The following TMIGD1 variants were observed in gnomAD, a reference collection of about 807,000 sequenced individuals.
TMIGD1 encodes transmembrane and immunoglobulin domain containing 1.
TMIGD1 carries 29 observed loss-of-function variants against 27.5 expected under a neutral mutation model. The ratio of observed to expected loss-of-function variants is 1.05; its 90% CI spans 0.78 to 1.44. The LOEUF (loss-of-function observed/expected upper bound fraction) is 1.44. TMIGD1 is among the 40% of genes most tolerant of loss of function. TMIGD1 has a pLI of 0.00. For synonymous variants in TMIGD1, 109 were observed against 110.3 expected (o/e 0.99, Z 0.07); for missense variants, 334 against 310.6 (o/e 1.08, Z -0.57).
chr17:30,329,366 G>A lies in TMIGD1; in HGVS notation c.246C>T (p.Ile82=), dbSNP rs549867370. The change falls in exon 3 of 7, where the codon ATC becomes ATT. Residue 82 remains isoleucine (I), a synonymous_variant. Transcript: ENST00000328886. ...GRVDLKSGNK[I]NSSSVCVSSI... is the part of the protein sequence containing the mutation. Reference sequence around the variant, plus strand: ...AAGAGACACAGACAGAGCTGGAATTGATTTTGTTTCCAGATTTCAAATCCA... The same window carrying A: ...AAGAGACACAGACAGAGCTGGAATTAATTTTGTTTCCAGATTTCAAATCCA... 10 of 1,614,096 alleles carry A rather than the reference G, an allele frequency of 6.2e-6. No individual in the cohort carries two copies. In the South Asian group the frequency reaches 1.1e-4, roughly 18 times the overall value.
At chr17:30,329,953 T>A (rs1909922084) in intron 2 of TMIGD1, among the ~76,000 whole-genome samples, 1 of 150,402 alleles carries the variant, frequency 6.6e-6, no homozygotes, top group Admixed American at 6.6e-5. Flanking sequence ...GGCATGGTGG[T>A]GTGCACCCAT....
Position 30,332,171 on chromosome 17 carries a change from T to G in TMIGD1, c.-25-13A>C, listed in dbSNP as rs1388021018. Reference sequence around the variant, plus strand: ...AAACTCAGATCTACTAAGGGAAAAATAGTGCAGTTGGTTTTGTACTTTGGT... The same window carrying G: ...AAACTCAGATCTACTAAGGGAAAAAGAGTGCAGTTGGTTTTGTACTTTGGT... On this transcript the variant is annotated splice_polypyrimidine_tract_variant and intron_variant, in intron 1 of 6. Coordinates refer to ENST00000328886, the MANE Select transcript of TMIGD1 (RefSeq NM_206832.3). 6.4e-7 allele frequency: 1 copy of G among 1,552,682 alleles called. No individual in the cohort carries two copies. The highest frequency in any genetic ancestry group is 8.8e-7 in the Non-Finnish European group (1 of 1,131,610).
At chr17:30,323,360 C>A (rs1471435071) in intron 4 of TMIGD1, among the ~76,000 whole-genome samples, 1 of 152,128 alleles carries the variant, frequency 6.6e-6, no homozygotes, top group Admixed American at 6.5e-5. Context: ...TCTGTGATGT[C>A]GTTTGTAGCT....
At chr17:30,326,021 G>A (rs918587632) in intron 3 of TMIGD1, among the ~76,000 whole-genome samples, 3 of 152,202 alleles carry the variant, frequency 2.0e-5, no homozygotes, top group Non-Finnish European at 2.9e-5. Context: ...CGGAGAAGGA[G>A]GAAAAAGGAG....
chr17:30,323,732 C>G (rs1306132945), intron 4 of TMIGD1, among the ~76,000 whole-genome samples: 1 of 152,180 alleles, frequency 6.6e-6, no homozygotes, highest in African/African-American at 2.4e-5. Flanking sequence ...CCCACCCTTC[C>G]ATGCTTTTGT....
Position 30,318,898 on chromosome 17 carries a change from A to G in TMIGD1, c.656T>C (p.Val219Ala). The change falls in exon 5 of 7, where the codon GTA becomes GCA. Residue 219 changes from valine (V) to alanine (A), a missense_variant. Coordinates refer to ENST00000328886, the MANE Select transcript of TMIGD1 (RefSeq NM_206832.3). Reference sequence around the variant, plus strand: ...TGCAGCAATAATGGGCTCTATTGGTACACCCACAGTTTTATCTGTAGGAAA... The same window carrying G: ...TGCAGCAATAATGGGCTCTATTGGTGCACCCACAGTTTTATCTGTAGGAAA... ...HLIVKDKTVG[V>A]PIEPIIAACV... 2 of 1,613,122 alleles carry G rather than the reference A, an allele frequency of 1.2e-6. No individual in the cohort carries two copies. Among genetic ancestry groups the G allele is most frequent in the South Asian group, 1.1e-5 (1 of 91,060 alleles).
chr17:30,332,401 C>CACTAT (rs1265606279), intron 1 of TMIGD1, among the ~76,000 whole-genome samples: 2 of 152,146 alleles, frequency 1.3e-5, no homozygotes, highest in Admixed American at 1.3e-4. Flanking sequence ...GATAGAGCAG[C>CACTAT]GTCAGGGTGC....
intron 5 of TMIGD1, among the ~76,000 whole-genome samples, chr17:30,318,425 C>T (rs946022823): frequency 1.3e-5 from 2 of 152,200 alleles, no homozygotes; most frequent in African/African-American, 4.8e-5. Context: ...CAGAAGTGAG[C>T]AGCCAATGCC....
intron 5 of TMIGD1, among the ~76,000 whole-genome samples, chr17:30,318,234 A>ATGAAC (rs1301122552): frequency 6.6e-6 from 1 of 152,182 alleles, no homozygotes; most frequent in African/African-American, 2.4e-5. Flanking sequence ...TTGCTGAATG[A>ATGAAC]TGAACTCAGC....
At chr17:30,319,011 T>A in intron 4 of TMIGD1, 98 bp from the exon 5 acceptor site, 1 of 812,126 alleles carries the variant, frequency 1.2e-6, no homozygotes, top group Non-Finnish European at 2.1e-6. Flanking sequence ...GTCATCCCCT[T>A]AATTAAACCT....
At position 30,330,405 on chromosome 17, in the gene TMIGD1, G is replaced by A. The variant is rs75013394; in HGVS notation, c.83-876C>T. 9.5e-3 allele frequency among the ~76,000 whole-genome samples: 1,450 copies of A among 152,218 alleles called. 15 individuals are homozygous for A. The highest frequency in any genetic ancestry group is 0.023 in the African/African-American group (939 of 41,514). On this transcript the variant is annotated intron_variant, in intron 2 of 6. Coordinates refer to ENST00000328886, the MANE Select transcript of TMIGD1 (RefSeq NM_206832.3). ...ACTTGAAGGGATTGAAAGTGGGAAA[G>A]CAAGGGAATGAAATGGAAAAATATT...
intron 5 of TMIGD1, among the ~76,000 whole-genome samples, chr17:30,317,476 C>T (rs181218913): frequency 3.9e-5 from 6 of 151,906 alleles, no homozygotes; most frequent in African/African-American, 1.5e-4. Context: ...AAAAAAAATG[C>T]GGCCGAGTGC....
At chr17:30,319,535 C>T (rs1452678484) in intron 4 of TMIGD1, among the ~76,000 whole-genome samples, 2 of 151,546 alleles carry the variant, frequency 1.3e-5, no homozygotes, top group African/African-American at 2.4e-5. Flanking sequence ...GAGTAACTCC[C>T]CTAAAACAAG....
chr17:30,325,574 A>T (rs1482020823), intron 3 of TMIGD1, among the ~76,000 whole-genome samples: 1 of 150,984 alleles, frequency 6.6e-6, no homozygotes, highest in African/African-American at 2.4e-5. Context: ...TAAAAAAAAA[A>T]TGGGATAATC....
intron 5 of TMIGD1, among the ~76,000 whole-genome samples, chr17:30,317,734 A>G (rs1409536344): frequency 6.7e-6 from 1 of 149,938 alleles, no homozygotes; most frequent in East Asian, 2.0e-4. Context: ...CACTCCAGCC[A>G]GGGTGACAGA....
chr17:30,329,245 A>C lies in TMIGD1; in HGVS notation c.361+6T>G, dbSNP rs1909890171. 4 of 1,610,164 alleles carry C rather than the reference A, an allele frequency of 2.5e-6. No homozygotes were observed. The highest frequency in any genetic ancestry group is 3.4e-6 in the Non-Finnish European group (4 of 1,176,872). The stretch of plus-strand genomic sequence containing the variant: ...CCCACTAGCTGTTTCTTTTCCCCTC[A>C]CTCACAAGTAACATTCAGCACCACC... On this transcript the variant is annotated splice_donor_region_variant and intron_variant, in intron 3 of 6. Transcript: ENST00000328886.
At chr17:30,330,916 G>A (rs964790896) in intron 2 of TMIGD1, among the ~76,000 whole-genome samples, 8 of 152,212 alleles carry the variant, frequency 5.3e-5, no homozygotes, top group East Asian at 1.9e-4. Context: ...TAAGCTGGCC[G>A]GGCATGGTGG....
chr17:30,329,399 C>T lies in TMIGD1; in HGVS notation c.213G>A (p.Glu71=). ...TTCCAGATTTCAAATCCACTCTCCC[C>T]TCCTCTCGGTACCAGAGCAGTTCTT... ...REEELLWYRE[E]GRVDLKSGNK... Residue 71 remains glutamate (E), a synonymous_variant, in exon 3 of 7, where the codon GAG becomes GAA. Coordinates refer to ENST00000328886, the MANE Select transcript of TMIGD1 (RefSeq NM_206832.3). 6.2e-7 allele frequency: 1 copy of T among 1,614,206 alleles called. No homozygotes were observed. Among genetic ancestry groups the T allele is most frequent in the Non-Finnish European group, 8.5e-7 (1 of 1,180,026 alleles).
At chr17:30,331,876 C>T (rs1246778775) in intron 2 of TMIGD1, among the ~76,000 whole-genome samples, 176 bp downstream of exon 2, 2 of 152,182 alleles carry the variant, frequency 1.3e-5, no homozygotes, top group Non-Finnish European at 2.9e-5. Flanking sequence ...GCGTGAGCCA[C>T]CCGCCTGGCC....
Sources: gnomAD v4.1 joint callset for allele counts (sites outside exome capture counted in the v4.1 genomes callset) on GRCh38, gnomAD v4.1.1 for gene constraint, MANE v1.5 for transcripts, NCBI Gene and HGNC (gene_info 2026-07-23, HGNC 2026-07-21) for gene names.